TEX11: variants seen among roughly 807,000 people sequenced by gnomAD.
TEX11 encodes testis expressed 11.
TEX11 carries 7 observed loss-of-function variants against 84.4 expected under a neutral mutation model. The observed-to-expected ratio is 0.08, with a 90% CI of 0.05 to 0.16. TEX11 has a LOEUF of 0.16. TEX11 is among the 10% of genes least tolerant of loss of function. The pLI, the probability that TEX11 is intolerant of heterozygous loss-of-function variation, is 1.00. For missense variants in TEX11, 551 were observed against 660.5 expected (o/e 0.83, Z 1.82); for synonymous variants, 264 against 222.8 (o/e 1.18, Z -1.64).
intron 9 of TEX11, among the ~76,000 whole-genome samples, chrX:70,793,230 G>C (rs1273767279): frequency 9.0e-6 from 1 of 111,471 alleles, no homozygotes; most frequent in Non-Finnish European, 1.9e-5. Context: ...CAAACCCACG[G>C]CCAACATCAT....
At chrX:70,767,305 C>T (rs2090946766) in intron 9 of TEX11, among the ~76,000 whole-genome samples, 1 of 111,512 alleles carries the variant, frequency 9.0e-6, no homozygotes, top group Admixed American at 9.5e-5. Flanking sequence ...AATGAGGAAA[C>T]GATTTAGACA....
At chrX:70,604,611 G>A (rs2089174202) in intron 24 of TEX11, among the ~76,000 whole-genome samples, 1 of 111,460 alleles carries the variant, frequency 9.0e-6, no homozygotes, top group African/African-American at 3.3e-5. Context: ...TGAAATAAGA[G>A]ATTAACAGGA....
chrX:70,702,751 A>C (rs2090336729), intron 13 of TEX11, among the ~76,000 whole-genome samples: 1 of 111,543 alleles, frequency 9.0e-6, no homozygotes, highest in African/African-American at 3.3e-5. Context: ...GTCCATCTCT[A>C]TAATTTTGTT....
At chrX:70,727,667 C>T (rs1231941559) in intron 11 of TEX11, among the ~76,000 whole-genome samples, 1 of 110,836 alleles carries the variant, frequency 9.0e-6, no homozygotes, top group Non-Finnish European at 1.9e-5. Context: ...GAGGTGGGGG[C>T]TTTGGGAGGT....
intron 11 of TEX11, among the ~76,000 whole-genome samples, chrX:70,726,119 C>T (rs1401725978): frequency 1.8e-5 from 2 of 112,370 alleles, no homozygotes; most frequent in Non-Finnish European, 3.8e-5. Context: ...TATTGCATTA[C>T]CATCTTTCCT....
At chrX:70,849,532 T>C (rs773501954) in intron 7 of TEX11, among the ~76,000 whole-genome samples, 1 of 111,935 alleles carries the variant, frequency 8.9e-6, no homozygotes, top group Non-Finnish European at 1.9e-5. Context: ...ATCTAACTGG[T>C]TAAATGGTAG....
chrX:70,553,377 A>C lies in TEX11; in HGVS notation c.2328T>G (p.Ile776Met). 8.3e-7 allele frequency: 1 copy of C among 1,208,983 alleles called. No homozygotes were observed. Among genetic ancestry groups the C allele is most frequent in the Non-Finnish European group, 1.1e-6 (1 of 893,889 alleles). ...AMEKPAHYPL[I>M]ALKALKKALL... ...AAGCCTTTTTCAAGGCCTTGAGAGC[A>C]ATCAAAGGATAGTGTGCAGGCTTTT... The change falls in exon 27 of 30, where the codon ATT becomes ATG. Residue 776 changes from isoleucine to methionine, a missense_variant. Ile to Met is a conservative substitution (Grantham distance 10). Coordinates refer to ENST00000374333, the MANE Select transcript of TEX11 (RefSeq NM_031276.3).
chrX:70,786,239 T>C (rs2147790427), intron 9 of TEX11, among the ~76,000 whole-genome samples: 1 of 111,257 alleles, frequency 9.0e-6, no homozygotes, highest in Admixed American at 9.6e-5. Context: ...AAACACCACA[T>C]GTTCTCACTC....
At chrX:70,559,497 C>A (rs1047427661) in intron 25 of TEX11, among the ~76,000 whole-genome samples, 1 of 111,827 alleles carries the variant, frequency 8.9e-6, no homozygotes, top group African/African-American at 3.2e-5. Context: ...GGTGGTTGCA[C>A]ATATCTGTGA....
At chrX:70,769,499 T>C (rs1440980816) in intron 9 of TEX11, among the ~76,000 whole-genome samples, 1 of 112,136 alleles carries the variant, frequency 8.9e-6, no homozygotes, top group Non-Finnish European at 1.9e-5. Context: ...TCCTTATCTG[T>C]ACAAAGATGA....
At chrX:70,644,953 A>G (rs2089722333) in intron 17 of TEX11, among the ~76,000 whole-genome samples, 1 of 110,374 alleles carries the variant, frequency 9.1e-6, no homozygotes, top group Non-Finnish European at 1.9e-5. Context: ...AAATAAAATA[A>G]AAAAAGAAAG....
intron 11 of TEX11, among the ~76,000 whole-genome samples, chrX:70,726,317 G>A (rs988457514): frequency 9.0e-6 from 1 of 111,321 alleles, no homozygotes; most frequent in African/African-American, 3.3e-5. Context: ...AACAACCCCA[G>A]ATAATGGACA....
At chrX:70,868,910 C>T (rs1198612353) in intron 4 of TEX11, among the ~76,000 whole-genome samples, 2 of 108,832 alleles carry the variant, frequency 1.8e-5, no homozygotes, top group African/African-American at 6.7e-5. Flanking sequence ...AGCATTAGGA[C>T]GCATACCTAA....
At chrX:70,515,154 A>G in the TEX11 span, among the ~76,000 whole-genome samples, 36 of 111,901 alleles carry the variant, frequency 3.2e-4, no homozygotes, top group Non-Finnish European at 6.6e-4. Context: ...GTTTTAGGGT[A>G]CATGTGCACA....
At chrX:70,595,027 A>C (rs1182482685) in intron 24 of TEX11, among the ~76,000 whole-genome samples, 1 of 112,091 alleles carries the variant, frequency 8.9e-6, no homozygotes, top group Non-Finnish European at 1.9e-5. Context: ...GAGGAAAAGC[A>C]TAAAAGGTAA....
At chrX:70,712,140 T>C (rs915592579) in intron 13 of TEX11, among the ~76,000 whole-genome samples, 1 of 111,549 alleles carries the variant, frequency 9.0e-6, no homozygotes, top group African/African-American at 3.3e-5. Context: ...TTCTTTTCCA[T>C]TGGTCTGTAT....
At chrX:70,589,846 GA>G (rs2088904869) in intron 25 of TEX11, among the ~76,000 whole-genome samples, 1 of 112,264 alleles carries the variant, frequency 8.9e-6, no homozygotes, top group Admixed American at 9.4e-5. Context: ...CGGAGGCAAT[GA>G]ATTTGCTCTG....
chrX:70,523,766 C>T, the TEX11 span, among the ~76,000 whole-genome samples: 1 of 98,063 alleles, frequency 1.0e-5, no homozygotes, highest in Non-Finnish European at 2.0e-5. Flanking sequence ...ACCTGGCCCC[C>T]CTCTTTTTTT....
intron 4 of TEX11, among the ~76,000 whole-genome samples, chrX:70,864,377 G>A (rs1472648671): frequency 9.0e-6 from 1 of 111,048 alleles, no homozygotes; most frequent in Non-Finnish European, 1.9e-5. Context: ...CAGAATAACA[G>A]TGGATCTCTC....
Sources: allele counts gnomAD v4.1 joint callset (sites outside exome capture counted in the v4.1 genomes callset), GRCh38; gene constraint gnomAD v4.1.1; transcripts MANE v1.5; gene names NCBI Gene and HGNC (gene_info 2026-07-23, HGNC 2026-07-21).